NTM: variants seen among roughly 807,000 people sequenced by gnomAD.
NTM encodes the protein neurotrimin, also known as IgLON family member 2.
NTM carries 13 observed loss-of-function variants against 42.1 expected under a neutral mutation model. The ratio of observed to expected loss-of-function variants is 0.31; its 90% CI spans 0.20 to 0.49. The LOEUF is 0.49. NTM is among the 20% of genes least tolerant of loss of function. The pLI is 0.99. For missense variants in NTM, 373 were observed against 452.8 expected, an observed-to-expected ratio of 0.82 and a Z score of 1.60; for synonymous variants, 187 against 179.2, an observed-to-expected ratio of 1.04 and a Z score of -0.35.
chr11:132,318,045 G>A (rs191380829), intron 7 of NTM, among the ~76,000 whole-genome samples: 64 of 152,320 alleles, frequency 4.2e-4, no homozygotes, highest in Non-Finnish European at 7.8e-4. Flanking sequence ...GGGTCTTATT[G>A]ATGACCCCTC....
intron 1 of NTM, among the ~76,000 whole-genome samples, chr11:131,610,987 CCAGA>C (rs560316575): frequency 1.8e-4 from 28 of 152,074 alleles, no homozygotes; most frequent in East Asian, 1.4e-3. Context: ...TTAGAGGTGG[CCAGA>C]CAAAGAGATG....
At chr11:131,694,067 T>C (rs1306251909) in intron 1 of NTM, among the ~76,000 whole-genome samples, 1 of 152,218 alleles carries the variant, frequency 6.6e-6, no homozygotes, top group East Asian at 1.9e-4. Context: ...TTTTCTCCTC[T>C]GTCACATGGA....
intron 2 of NTM, among the ~76,000 whole-genome samples, chr11:131,920,664 T>G (rs1018985819): frequency 6.6e-6 from 1 of 152,214 alleles, no homozygotes; most frequent in Non-Finnish European, 1.5e-5. Context: ...CAGTGTGAAA[T>G]GTTTTGGCTT....
chr11:132,248,303 A>T (rs535819056), intron 4 of NTM, among the ~76,000 whole-genome samples: 3 of 151,958 alleles, frequency 2.0e-5, no homozygotes, highest in East Asian at 1.9e-4. Context: ...AACAATGGCA[A>T]TTTTTTTCCC....
chr11:131,964,770 C>T (rs1357703014), intron 2 of NTM, among the ~76,000 whole-genome samples: 1 of 152,076 alleles, frequency 6.6e-6, no homozygotes, highest in Non-Finnish European at 1.5e-5. Flanking sequence ...CTGGTCTTTC[C>T]CATGCTCATT....
chr11:132,147,144 CCT>C (rs2070646840), intron 3 of NTM, among the ~76,000 whole-genome samples: 1 of 151,254 alleles, frequency 6.6e-6, no homozygotes, highest in African/African-American at 2.4e-5. Context: ...CTTCTCCTCC[CCT>C]GACTCCTAGT....
chr11:131,515,700 C>T (rs952480700), intron 1 of NTM, among the ~76,000 whole-genome samples: 1 of 152,214 alleles, frequency 6.6e-6, no homozygotes, highest in African/African-American at 2.4e-5. Context: ...AATAAACTTA[C>T]AGAGTTATGA....
At chr11:132,187,242 T>TGTGTGTGTGTGC (rs1555304719) in intron 3 of NTM, among the ~76,000 whole-genome samples, 1 of 116,740 alleles carries the variant, frequency 8.6e-6, no homozygotes, top group African/African-American at 3.0e-5. Context: ...TGTGTGTGTG[T>TGTGTGTGTGTGC]GTGTGCGTGT....
intron 1 of NTM, among the ~76,000 whole-genome samples, chr11:131,822,109 A>G (rs1055961743): frequency 6.6e-6 from 1 of 151,694 alleles, no homozygotes; most frequent in African/African-American, 2.4e-5. Flanking sequence ...TCCCAGGCAC[A>G]TAAAGTGACA....
chr11:131,584,080 G>A (rs2058647066), intron 1 of NTM, among the ~76,000 whole-genome samples: 3 of 152,156 alleles, frequency 2.0e-5, no homozygotes, highest in Admixed American at 2.0e-4. Flanking sequence ...ATCTTCCTGG[G>A]ATCCCAATAC....
intron 1 of NTM, among the ~76,000 whole-genome samples, chr11:131,866,786 C>T (rs973761349): frequency 6.6e-6 from 1 of 151,950 alleles, no homozygotes; most frequent in Non-Finnish European, 1.5e-5. Context: ...TGGCATTTTT[C>T]TTAAAAAAAA....
At chr11:131,733,833 C>T (rs965112193) in intron 1 of NTM, among the ~76,000 whole-genome samples, 13 of 152,166 alleles carry the variant, frequency 8.5e-5, no homozygotes, top group South Asian at 2.1e-4. Context: ...CCATTGTGCC[C>T]GACCTGAAAT....
At chr11:131,779,244 C>A (rs1008360818) in intron 1 of NTM, among the ~76,000 whole-genome samples, 3 of 152,148 alleles carry the variant, frequency 2.0e-5, no homozygotes, top group African/African-American at 7.2e-5. Context: ...CCCTGGCTGA[C>A]ACCTTGATTT....
chr11:132,281,487 TTCA>T (rs1162401934), intron 4 of NTM, among the ~76,000 whole-genome samples: 1 of 152,270 alleles, frequency 6.6e-6, no homozygotes, highest in Non-Finnish European at 1.5e-5. Context: ...GAAACATTTG[TTCA>T]TCTTCAAATC....
At chr11:131,823,165 G>A (rs1301843979) in intron 1 of NTM, among the ~76,000 whole-genome samples, 3 of 152,192 alleles carry the variant, frequency 2.0e-5, no homozygotes, top group Non-Finnish European at 2.9e-5. Flanking sequence ...TACACTGCTG[G>A]TGATTGTCAC....
chr11:132,261,209 G>T (rs928512542), intron 4 of NTM, among the ~76,000 whole-genome samples: 1 of 152,062 alleles, frequency 6.6e-6, no homozygotes, highest in Admixed American at 6.6e-5. Flanking sequence ...AGTAGAGGTG[G>T]CTCCACCTCC....
At chr11:131,680,134 C>T (rs137906210) in intron 1 of NTM, among the ~76,000 whole-genome samples, 1 of 150,334 alleles carries the variant, frequency 6.7e-6, no homozygotes, top group Non-Finnish European at 1.5e-5. Flanking sequence ...GAGCCCTGAC[C>T]CCCCATCCTT....
intron 1 of NTM, among the ~76,000 whole-genome samples, chr11:131,543,620 G>A (rs2053561443): frequency 6.6e-6 from 1 of 152,210 alleles, no homozygotes; most frequent in African/African-American, 2.4e-5. Flanking sequence ...AAGCCTGCTA[G>A]CAGCTCCCAC....
chr11:132,110,125 T>C (rs990685330), intron 2 of NTM, among the ~76,000 whole-genome samples: 6 of 152,244 alleles, frequency 3.9e-5, no homozygotes, highest in Admixed American at 6.5e-5. Flanking sequence ...TTGCATCTTT[T>C]TTCTTCCTGT....
Sources: allele counts gnomAD v4.1 joint callset (sites outside exome capture counted in the v4.1 genomes callset), GRCh38; gene constraint gnomAD v4.1.1; transcripts MANE v1.5; gene names NCBI Gene and HGNC (gene_info 2026-07-23, HGNC 2026-07-21).